UNC5B: variants seen among roughly 807,000 people sequenced by gnomAD.
UNC5B encodes the protein netrin receptor UNC5B.
Under a neutral mutation model 103.7 loss-of-function variants are expected in UNC5B, and 56 were observed. The ratio of observed to expected loss-of-function variants is 0.54; its 90% confidence interval spans 0.44 to 0.67. The LOEUF (loss-of-function observed/expected upper bound fraction) is 0.67, where lower values mean the gene tolerates loss of function less well. Among genes scored for constraint, UNC5B ranks in the 30% least tolerant of loss-of-function variants. The pLI, the probability that UNC5B is intolerant of heterozygous loss-of-function variation, is 0.00. For synonymous variants in UNC5B, 577 were observed against 542.0 expected (o/e 1.06, Z -0.90); for missense variants, 1,194 against 1,284.5 (o/e 0.93, Z 1.08).
In UNC5B at chr10:71,252,447, C is replaced by T. The variant is rs79547483; in HGVS notation, c.80-27374C>T. Among the ~76,000 whole-genome samples, 13 of 152,338 alleles carry T rather than the reference C, an allele frequency of 8.5e-5. No individual in the cohort carries two copies. The East Asian group carries it at 2.5e-3, about 29-fold the overall frequency. ...TCTGTGAGAGCGCTTTCAAATCTCT[C>T]ATTCCTCTCATCTCACAATTACCCT... On this transcript the variant is annotated intron_variant, in intron 1 of 16. Transcript: ENST00000335350.
chr10:71,240,429 G>A (rs1843873416), intron 1 of UNC5B, among the ~76,000 whole-genome samples: 1 of 152,252 alleles, frequency 6.6e-6, no homozygotes, highest in African/African-American at 2.4e-5. Flanking sequence ...CTCTCAGGGT[G>A]GACTAGCCAT....
intron 1 of UNC5B, among the ~76,000 whole-genome samples, chr10:71,242,794 G>A (rs1452984018): frequency 6.6e-6 from 1 of 152,194 alleles, no homozygotes; most frequent in Admixed American, 6.5e-5. Flanking sequence ...GTGTCTTTAT[G>A]ATGCCTGGGT....
At chr10:71,292,720 T>C (rs1203761869) in intron 11 of UNC5B, among the ~76,000 whole-genome samples, 166 bp downstream of exon 11, 7 of 152,194 alleles carry the variant, frequency 4.6e-5, no homozygotes, top group Admixed American at 4.6e-4. Context: ...ACACCGTAAA[T>C]TGTAAAACTC....
chr10:71,237,572 G>A (rs1467854732), intron 1 of UNC5B, among the ~76,000 whole-genome samples: 2 of 152,134 alleles, frequency 1.3e-5, no homozygotes, highest in East Asian at 1.9e-4. Context: ...GTAAATACAC[G>A]GGAAGTCCTC....
At chr10:71,216,473 AGCATTG>A (rs1843331266) in intron 1 of UNC5B, among the ~76,000 whole-genome samples, 1 of 152,190 alleles carries the variant, frequency 6.6e-6, no homozygotes, top group African/African-American at 2.4e-5. Flanking sequence ...CCCAACCCCC[AGCATTG>A]GCCTCCTGAG....
At chr10:71,242,098 AG>A (rs1843915147) in intron 1 of UNC5B, among the ~76,000 whole-genome samples, 1 of 152,108 alleles carries the variant, frequency 6.6e-6, no homozygotes. Flanking sequence ...GGCCAACCCC[AG>A]CCCCCTGGAG....
intron 1 of UNC5B, among the ~76,000 whole-genome samples, chr10:71,255,588 G>A (rs1454024595): frequency 6.6e-6 from 1 of 152,200 alleles, no homozygotes; most frequent in Admixed American, 6.5e-5. Context: ...GCCACTCCTT[G>A]TTCGTAATTA....
rs1419139558 is a variant in UNC5B, at chr10:71,293,922, G to A, written c.2164G>A (p.Val722Ile). The A allele has an allele frequency of 1.3e-6, 2 of 1,599,658 alleles. No individual in the cohort carries two copies. The highest frequency in any genetic ancestry group is 1.3e-5 in the African/African-American group (1 of 74,772). Residue 722 changes from valine to isoleucine, a missense_variant, in exon 13 of 17, where the codon GTA becomes ATA. Transcript: ENST00000335350. ...LRVYCLEDTPVALKEVLELER... is the reference protein window; with the variant it reads ...LRVYCLEDTPIALKEVLELER... ...GGTCTACTGCCTGGAGGACACGCCT[G>A]TAGCACTGAAGGTAGGGCCAGCTGC...
chr10:71,240,640 C>T (rs753195159), intron 1 of UNC5B, among the ~76,000 whole-genome samples: 21 of 152,240 alleles, frequency 1.4e-4, no homozygotes, highest in Non-Finnish European at 2.2e-4. Context: ...GATTTCCTCC[C>T]GGCCCAGCAG....
In UNC5B at chr10:71,301,671, A is replaced by C. The variant is rs1024756357; in HGVS notation, c.*2394A>C. On this transcript the variant is annotated 3_prime_UTR_variant, in exon 17 of 17. Transcript: ENST00000335350. ...TCCCCTCGCAGGCTCTAATGTGCCC[A>C]CATGTAGCCTGGCAGTCCAAAGACC... is the stretch of plus-strand genomic sequence containing the variant. 2.0e-5 allele frequency: 3 copies of C among 152,254 alleles called. No individual in the cohort carries two copies. Among genetic ancestry groups the C allele is most frequent in the Admixed American group, 2.0e-4 (3 of 15,286 alleles). 9.4% of individuals were successfully genotyped at this position (152,254 alleles called of 1,614,324 possible). A position where few individuals can be genotyped will look rare whatever the true frequency, so the allele number is the denominator to read the frequency against.
In UNC5B at chr10:71,300,641, C is replaced by G. The variant is rs1564518554; in HGVS notation, c.*1364C>G. 6.6e-6 allele frequency: 1 copy of G among 152,388 alleles called. No homozygotes were observed. The highest frequency in any genetic ancestry group is 2.4e-5 in the African/African-American group (1 of 41,456). 9.4% of individuals were successfully genotyped at this position (152,388 alleles called of 1,614,324 possible). A position where few individuals can be genotyped will look rare whatever the true frequency, so the allele number is the denominator to read the frequency against. ...GCCAGGAATCCAGAATCTGCCCTTC[C>G]CCAACCTTGGTTTCTCCTTCTGTAA... On this transcript the variant is annotated 3_prime_UTR_variant, in exon 17 of 17. Transcript: ENST00000335350.
intron 1 of UNC5B, among the ~76,000 whole-genome samples, chr10:71,251,073 T>C (rs1209607000): frequency 6.6e-6 from 1 of 152,188 alleles, no homozygotes; most frequent in Non-Finnish European, 1.5e-5. Context: ...TCAGCCATGG[T>C]AGTAGTTGTA....
intron 1 of UNC5B, among the ~76,000 whole-genome samples, chr10:71,214,841 C>G (rs961839196): frequency 1.3e-5 from 2 of 152,160 alleles, no homozygotes; most frequent in African/African-American, 4.8e-5. Flanking sequence ...CAGAAGAAAC[C>G]CCAGGCCCAG....
chr10:71,234,374 TC>T (rs1272577002), intron 1 of UNC5B, among the ~76,000 whole-genome samples: 2 of 152,196 alleles, frequency 1.3e-5, no homozygotes, highest in East Asian at 3.9e-4. Context: ...AGCTTCTTGG[TC>T]CCAAGGTTTA....
At chr10:71,266,238 GGGCAGGATGGGATTGAAGCA>G (rs1465651938) in intron 1 of UNC5B, among the ~76,000 whole-genome samples, 4 of 152,004 alleles carry the variant, frequency 2.6e-5, no homozygotes, top group Non-Finnish European at 4.4e-5. Flanking sequence ...CAGCAAATGG[GGGCAGGATGGGATTGAAGCA>G]GGTCCCACGC....
rs986698987 is a variant in UNC5B at position 71,227,190 on chromosome 10, G to C, written c.79+14126G>C. 2.0e-5 allele frequency among the ~76,000 whole-genome samples: 3 copies of C among 152,096 alleles called. No homozygotes were observed. The South Asian group carries it at 6.3e-4, about 32-fold the overall frequency. ...AGTAGAGACGGGGTTTCACCATGTTGGCCAGGCTGGTCTCGAACTCCTGAC... is the reference window on the plus strand; with the variant it reads ...AGTAGAGACGGGGTTTCACCATGTTCGCCAGGCTGGTCTCGAACTCCTGAC... On this transcript the variant is annotated intron_variant, in intron 1 of 16. Transcript: ENST00000335350.
At chr10:71,289,139 G>A (rs760916274) in intron 8 of UNC5B, 149 bp downstream of exon 8, 94 of 1,074,078 alleles carry the variant, frequency 8.8e-5, no homozygotes, top group Non-Finnish European at 1.2e-4. Context: ...CACTGCATGT[G>A]TCTGCATCTC....
At position 71,293,531 on chromosome 10, in the gene UNC5B, G is replaced by C. The variant is rs771026584; in HGVS notation, c.1899G>C (p.Trp633Cys). 20 of 1,613,848 alleles carry C rather than the reference G, an allele frequency of 1.2e-5. No homozygotes were observed. The highest frequency in any genetic ancestry group is 3.3e-5 in the Admixed American group (2 of 60,008). ...PHCAEVSARD[W>C]IFQLKTQAHQ... ...GTGCCGAAGTCAGTGCCCGTGACTG[G>C]ATCTTTCAGCTCAAGACCCAGGCCC... The change falls in exon 12 of 17, where the codon TGG (tryptophan) becomes TGC (cysteine). Residue 633 changes from tryptophan to cysteine, a missense_variant. By Grantham distance (215) the Trp-to-Cys change is radical (BLOSUM62 -2). Coordinates refer to ENST00000335350, the MANE Select transcript of UNC5B (RefSeq NM_170744.5).
At chr10:71,288,921 C>T (rs901037379) in intron 7 of UNC5B, 37 bp from the exon 8 acceptor site, 14 of 1,608,870 alleles carry the variant, frequency 8.7e-6, no homozygotes, top group Non-Finnish European at 1.1e-5. Context: ...TTCCCTGTCA[C>T]CTATGTCATT....
Sources: allele counts gnomAD v4.1 joint callset (sites outside exome capture counted in the v4.1 genomes callset), GRCh38; gene constraint gnomAD v4.1.1; transcripts MANE v1.5; gene names NCBI Gene and HGNC (gene_info 2026-07-23, HGNC 2026-07-21).